JPH2: variants seen among roughly 807,000 people sequenced by gnomAD.
JPH2 encodes junctophilin-2.
A neutral mutation model predicts 55.9 loss-of-function variants in JPH2; 38 were observed. The observed-to-expected ratio is 0.68, with a 90% CI of 0.52 to 0.89. The LOEUF is 0.89. JPH2 is among the 40% of genes least tolerant of loss of function. The probability of loss-of-function intolerance (pLI) is 0.00; values close to 1 mark genes in which losing one functional copy is unlikely to be tolerated. For missense variants in JPH2, 964 were observed against 1,037.6 expected (o/e 0.93, Z 0.97); for synonymous variants, 480 against 472.4 (o/e 1.02, Z -0.21).
chr20:44,179,113 ATAGTAG>A lies in JPH2; in HGVS notation c.379+7208_379+7213del, dbSNP rs143272473. Among the ~76,000 whole-genome samples, 4 of 152,296 alleles carry A rather than the reference ATAGTAG, an allele frequency of 2.6e-5. No homozygotes were observed. In the East Asian group the frequency reaches 5.8e-4, roughly 22 times the overall value. On this transcript the variant is annotated intron_variant, in intron 1 of 5. Transcript: ENST00000372980. Reference sequence around the variant, plus strand: ...CTCAACTTTTCAGCATGTAACAATAATAGTAGTAGTAGTAGTAATAAAAGCACTAAC... The same window carrying A: ...CTCAACTTTTCAGCATGTAACAATAATAGTAGTAGTAATAAAAGCACTAAC...
intron 2 of JPH2, among the ~76,000 whole-genome samples, chr20:44,144,019 C>T (rs1600848711): frequency 1.3e-5 from 2 of 152,286 alleles, no homozygotes; most frequent in South Asian, 4.1e-4. Context: ...GCTTGGGTCA[C>T]GCCTGGCTTC....
intron 1 of JPH2, among the ~76,000 whole-genome samples, chr20:44,165,741 C>T (rs2072651896): frequency 6.6e-6 from 1 of 152,170 alleles, no homozygotes; most frequent in African/African-American, 2.4e-5. Context: ...GGAACCACCT[C>T]AGGGCCTTGG....
chr20:44,174,818 C>T (rs748879344), intron 1 of JPH2, among the ~76,000 whole-genome samples: 14 of 151,974 alleles, frequency 9.2e-5, no homozygotes, highest in Non-Finnish European at 1.8e-4. Context: ...CTGGTCAACC[C>T]CTGTCTCTAC....
At chr20:44,132,351 G>GACACACACACAC (rs1491055196) in intron 2 of JPH2, among the ~76,000 whole-genome samples, 5 of 67,432 alleles carry the variant, frequency 7.4e-5, no homozygotes, top group African/African-American at 2.2e-4. Context: ...GAGGCAGACA[G>GACACACACACAC]ACAGACACAC....
Position 44,113,045 on chromosome 20 carries a change from C to A in JPH2, c.*473G>T, listed in dbSNP as rs1018455260. ...TGAGGGGGTCTCAACACCCACCCCA[C>A]CCAGCTTCCCTGGGAGGCCTCAGCC... On this transcript the variant is annotated 3_prime_UTR_variant, in exon 6 of 6. Coordinates refer to ENST00000372980, the MANE Select transcript of JPH2 (RefSeq NM_020433.5). The A allele has an allele frequency of 3.3e-5, 5 of 152,264 alleles. No individual in the cohort carries two copies. Among genetic ancestry groups the A allele is most frequent in the Non-Finnish European group, 5.9e-5 (4 of 68,136 alleles). 9.4% of individuals were successfully genotyped at this position (152,264 alleles called of 1,614,324 possible).
rs372119251 is a variant in JPH2, at chr20:44,134,590, AT to A, written c.1170-15968del. ...AAATATATATTTATTATAAATATAT[AT>A]AAATATATATTTATTATAAATATAA... On this transcript the variant is annotated intron_variant, in intron 2 of 5. Transcript: ENST00000372980. Among the ~76,000 whole-genome samples, 8 of 15,158 alleles carry A rather than the reference AT, an allele frequency of 5.3e-4. 1 individual carries two copies. The highest frequency in any genetic ancestry group is 7.2e-4 in the Non-Finnish European group (7 of 9,708). 9.9% of individuals were successfully genotyped at this position (15,158 alleles called of 152,430 possible).
At chr20:44,177,256 C>A in intron 1 of JPH2, 1 of 985,780 alleles carries the variant, frequency 1.0e-6, no homozygotes, top group South Asian at 4.7e-5. Context: ...CTGTCCCCCT[C>A]GCCCCACACC....
intron 2 of JPH2, 34 bp from the exon 3 acceptor site, chr20:44,118,657 C>A: frequency 1.3e-6 from 2 of 1,549,942 alleles, no homozygotes; most frequent in Non-Finnish European, 1.8e-6. Flanking sequence ...ACTCAGGATC[C>A]TTCCAGAGAA....
intron 1 of JPH2, chr20:44,177,080 T>C: frequency 2.0e-6 from 2 of 985,490 alleles, no homozygotes; most frequent in South Asian, 4.7e-5. Flanking sequence ...CACAGATCTG[T>C]GCCAGGCAAC....
chr20:44,179,337 T>A (rs2072761673), intron 1 of JPH2, among the ~76,000 whole-genome samples: 1 of 152,216 alleles, frequency 6.6e-6, no homozygotes, highest in Non-Finnish European at 1.5e-5. Flanking sequence ...AATACATATT[T>A]TTTTGCATTC....
intron 2 of JPH2, 133 bp from the exon 3 acceptor site, chr20:44,118,756 G>A (rs552716503): frequency 2.3e-4 from 176 of 749,458 alleles, no homozygotes; most frequent in Non-Finnish European, 3.9e-4. Context: ...TATTTATTGA[G>A]CCTCATGGCC....
intron 2 of JPH2, among the ~76,000 whole-genome samples, chr20:44,125,110 G>A (rs139018100): frequency 0.18 from 18,796 of 107,106 alleles, 1,366 homozygotes; most frequent in South Asian, 0.29. Flanking sequence ...TGAGACTCTG[G>A]CTCAAAAAAA....
intron 2 of JPH2, among the ~76,000 whole-genome samples, chr20:44,136,203 C>A (rs1303507273): frequency 6.6e-6 from 1 of 152,142 alleles, no homozygotes; most frequent in African/African-American, 2.4e-5. Flanking sequence ...TACCCCAGAC[C>A]CCTTCCAGCC....
intron 2 of JPH2, among the ~76,000 whole-genome samples, chr20:44,146,281 C>T (rs763402748): frequency 6.7e-5 from 10 of 150,022 alleles, no homozygotes; most frequent in Non-Finnish European, 1.5e-4. Flanking sequence ...GATCTGCCCT[C>T]CTCAGCCTCC....
chr20:44,117,151 T>C (rs989624426), intron 3 of JPH2, among the ~76,000 whole-genome samples: 1 of 152,094 alleles, frequency 6.6e-6, no homozygotes, highest in Non-Finnish European at 1.5e-5. Flanking sequence ...TGGTGGCGCG[T>C]GCCTGTAATC....
intron 2 of JPH2, among the ~76,000 whole-genome samples, chr20:44,156,931 CAA>C (rs1569208274): frequency 6.6e-6 from 1 of 152,182 alleles, no homozygotes; most frequent in African/African-American, 2.4e-5. Context: ...GTAAAGTTTA[CAA>C]AGTTTAGCAT....
At chr20:44,145,084 C>A (rs2072484094) in intron 2 of JPH2, among the ~76,000 whole-genome samples, 1 of 152,154 alleles carries the variant, frequency 6.6e-6, no homozygotes, top group African/African-American at 2.4e-5. Context: ...AACTCACTGA[C>A]CCTGGGGCAG....
At chr20:44,149,963 G>GAAAAA (rs67234498) in intron 2 of JPH2, among the ~76,000 whole-genome samples, 8 of 11,444 alleles carry the variant, frequency 7.0e-4, no homozygotes, top group East Asian at 5.3e-3. Flanking sequence ...GGCGACAGAG[G>GAAAAA]AAAAAAAAAA....
intron 1 of JPH2, among the ~76,000 whole-genome samples, chr20:44,168,797 T>C (rs1247386747): frequency 1.3e-5 from 2 of 152,306 alleles, no homozygotes; most frequent in East Asian, 1.9e-4. Flanking sequence ...ATGGTTCAGA[T>C]GTTTGTCCCC....
Sources: allele counts gnomAD v4.1 joint callset (sites outside exome capture counted in the v4.1 genomes callset), GRCh38; gene constraint gnomAD v4.1.1; transcripts MANE v1.5; gene names NCBI Gene and HGNC (gene_info 2026-07-23, HGNC 2026-07-21).